PDZD2: variants seen among roughly 807,000 people sequenced by gnomAD.
PDZD2 encodes the protein PDZ domain-containing protein 2.
Under a neutral mutation model 220.7 loss-of-function variants are expected in PDZD2, and 90 were observed. That is an observed-to-expected ratio of 0.41 (90% CI 0.34 to 0.49). The LOEUF is 0.49. Among genes scored for constraint, PDZD2 ranks in the 20% least tolerant of loss-of-function variants. The pLI, the probability that PDZD2 is intolerant of heterozygous loss-of-function variation, is 0.28. For synonymous variants in PDZD2, 1,375 were observed against 1,450.5 expected (o/e 0.95, Z 1.18); for missense variants, 3,174 against 3,608.5 (o/e 0.88, Z 3.08).
intron 1 of PDZD2, chr5:31,744,073 A>G (rs1750435170): frequency 6.6e-6 from 1 of 152,238 alleles, no homozygotes; most frequent in African/African-American, 2.4e-5. Flanking sequence ...CTGATCTGCA[A>G]AGCAGAACTG....
At chr5:31,905,039 G>A (rs1742515133) in intron 2 of PDZD2, among the ~76,000 whole-genome samples, 1 of 151,994 alleles carries the variant, frequency 6.6e-6, no homozygotes, top group African/African-American at 2.4e-5. Flanking sequence ...CCCGATCTTA[G>A]CCCACTGCAA....
intron 1 of PDZD2, among the ~76,000 whole-genome samples, chr5:31,689,922 G>A (rs1038907787): frequency 3.9e-5 from 6 of 152,130 alleles, no homozygotes; most frequent in South Asian, 2.1e-4. Flanking sequence ...CCTTAGGAAG[G>A]AGAAAGAGAA....
intron 1 of PDZD2, among the ~76,000 whole-genome samples, chr5:31,788,303 G>A (rs1580756630): frequency 6.6e-6 from 1 of 152,078 alleles, no homozygotes; most frequent in African/African-American, 2.4e-5. Context: ...CCCAGGAGGT[G>A]GAGGTTGCAG....
intron 3 of PDZD2, among the ~76,000 whole-genome samples, chr5:31,988,800 C>T (rs1750935373): frequency 6.6e-6 from 1 of 152,298 alleles, no homozygotes; most frequent in East Asian, 1.9e-4. Flanking sequence ...GTGCTCCGCT[C>T]ACTACCTGGT....
intron 1 of PDZD2, among the ~76,000 whole-genome samples, chr5:31,643,427 C>T (rs1185426544): frequency 1.3e-5 from 2 of 152,204 alleles, no homozygotes; most frequent in African/African-American, 4.8e-5. Context: ...TTACCAGGTG[C>T]AAGGCAGGAA....
intron 2 of PDZD2, chr5:31,847,473 A>G (rs1303725829): frequency 1.7e-6 from 1 of 601,942 alleles, no homozygotes; most frequent in Non-Finnish European, 3.1e-6. Flanking sequence ...ATGCCCATGT[A>G]GAAGGGGATA....
chr5:31,776,612 G>C (rs1271278215), intron 1 of PDZD2, among the ~76,000 whole-genome samples: 1 of 146,244 alleles, frequency 6.8e-6, no homozygotes, highest in African/African-American at 2.6e-5. Context: ...CACCACGCCT[G>C]GCCTTATTTT....
intron 2 of PDZD2, among the ~76,000 whole-genome samples, chr5:31,934,825 A>T (rs1444512136): frequency 6.6e-6 from 1 of 152,108 alleles, no homozygotes; most frequent in Non-Finnish European, 1.5e-5. Flanking sequence ...GGTGGCTCAC[A>T]CCTGTAATCC....
chr5:31,840,650 G>C, intron 2 of PDZD2: 1 of 724,500 alleles, frequency 1.4e-6, no homozygotes, highest in Non-Finnish European at 2.5e-6. Flanking sequence ...TTTTCCTCAC[G>C]CGTTTCAGGA....
intron 14 of PDZD2, among the ~76,000 whole-genome samples, chr5:32,063,557 C>T (rs773046619): frequency 5.9e-5 from 9 of 152,154 alleles, no homozygotes; most frequent in African/African-American, 2.2e-4. Context: ...CATCAACAGA[C>T]GGACTATCCT....
Position 31,937,339 on chromosome 5 carries a change from G to A in PDZD2, c.477-45816G>A, listed in dbSNP as rs531807000. Among the ~76,000 whole-genome samples the A allele has an allele frequency of 1.5e-4, 23 of 152,288 alleles. No homozygotes were observed. In the South Asian group the frequency reaches 3.9e-3, roughly 26 times the overall value. ...TGCGTGTGGTCAGCCTGAGAAGAAC[G>A]TCAGAGGTAGGTGGAGAATTTTGTT... On this transcript the variant is annotated intron_variant, in intron 2 of 24. Coordinates refer to ENST00000438447, the MANE Select transcript of PDZD2 (RefSeq NM_178140.4).
chr5:31,693,940 A>C (rs997171660), intron 1 of PDZD2, among the ~76,000 whole-genome samples: 4 of 152,180 alleles, frequency 2.6e-5, no homozygotes, highest in Admixed American at 2.0e-4. Context: ...GCTGAGGAGG[A>C]GCAAAAGGGA....
intron 1 of PDZD2, among the ~76,000 whole-genome samples, chr5:31,715,220 G>A (rs993352631): frequency 6.6e-6 from 1 of 152,124 alleles, no homozygotes; most frequent in Non-Finnish European, 1.5e-5. Flanking sequence ...GGTAGAGAGG[G>A]CTTTGTAGTA....
chr5:31,651,638 A>AT (rs1261752746), intron 1 of PDZD2, among the ~76,000 whole-genome samples: 2 of 151,240 alleles, frequency 1.3e-5, no homozygotes, highest in African/African-American at 4.9e-5. Context: ...TTATTTATTT[A>AT]TTTATTTTTT....
In PDZD2 at chr5:32,098,501, G is replaced by A. The variant is rs747081568; in HGVS notation, c.8085G>A (p.Gln2695=). Reference sequence around the variant, plus strand: ...TCCTGAAGGTTCTGCACCAGGCACAGCTGCACAAAGATGCCCTCGTGGTCA... The same window carrying A: ...TCCTGAAGGTTCTGCACCAGGCACAACTGCACAAAGATGCCCTCGTGGTCA... ...GNVLKVLHQA[Q]LHKDALVVIK... is the part of the protein sequence containing the mutation. Residue 2695 remains glutamine, a synonymous_variant, in exon 23 of 25, where the codon CAG becomes CAA. Transcript: ENST00000438447. The surrounding 1 kb of genome is among the most constrained non-coding windows in gnomAD (Gnocchi z 4.1). 7 of 1,614,214 alleles carry A rather than the reference G, an allele frequency of 4.3e-6. No individual in the cohort carries two copies. Among genetic ancestry groups the A allele is most frequent in the Non-Finnish European group, 4.2e-6 (5 of 1,180,032 alleles).
At chr5:31,816,966 G>T (rs985016281) in intron 2 of PDZD2, among the ~76,000 whole-genome samples, 1 of 150,784 alleles carries the variant, frequency 6.6e-6, no homozygotes, top group Non-Finnish European at 1.5e-5. Flanking sequence ...GACGGATCAC[G>T]AGGTTAGGAG....
intron 14 of PDZD2, among the ~76,000 whole-genome samples, chr5:32,061,864 T>C (rs1048999647): frequency 6.6e-6 from 1 of 152,220 alleles, no homozygotes; most frequent in African/African-American, 2.4e-5. Context: ...ACTTGGGTAA[T>C]ATACTTAATT....
intron 1 of PDZD2, among the ~76,000 whole-genome samples, chr5:31,730,588 GT>G (rs1341205358): frequency 0.048 from 5,244 of 108,842 alleles, 98 homozygotes; most frequent in Non-Finnish European, 0.051. Context: ...GTGTGTGTGT[GT>G]GTGGTGTGTG....
chr5:31,711,961 T>A (rs1561398959), intron 1 of PDZD2: 1 of 152,470 alleles, frequency 6.6e-6, no homozygotes, highest in African/African-American at 2.4e-5. Context: ...GTAATTAACT[T>A]GAGTTCTTGA....
Sources: gnomAD v4.1 joint callset for allele counts (sites outside exome capture counted in the v4.1 genomes callset) on GRCh38, gnomAD v4.1.1 for gene constraint, Gnocchi (gnomAD v3.1) non-coding constraint, MANE v1.5 for transcripts, NCBI Gene and HGNC (gene_info 2026-07-23, HGNC 2026-07-21) for gene names.